FGF13: variants seen among roughly 807,000 people sequenced by gnomAD.
FGF13 encodes the protein fibroblast growth factor 13.
A neutral mutation model predicts 19.5 loss-of-function variants in FGF13; 2 were observed. That is an observed-to-expected ratio of 0.10 (90% CI 0.04 to 0.32). The LOEUF is 0.32. FGF13 is among the 10% of genes least tolerant of loss of function. The pLI, the probability that FGF13 is intolerant of heterozygous loss-of-function variation, is 1.00. For synonymous variants in FGF13, 72 were observed against 76.9 expected (o/e 0.94, Z 0.33); for missense variants, 113 against 192.7 (o/e 0.59, Z 2.45).
chrX:139,011,640 C>T (rs1043232910), intron 1 of FGF13, among the ~76,000 whole-genome samples: 9 of 111,505 alleles, frequency 8.1e-5, no homozygotes, highest in Non-Finnish European at 1.1e-4. Flanking sequence ...ACCCAGCATC[C>T]GTTTATGATT....
At chrX:139,155,262 T>TCTTCTTAATGAAAAGCAATTG (rs2083968584) in intron 1 of FGF13, among the ~76,000 whole-genome samples, 1 of 112,404 alleles carries the variant, frequency 8.9e-6, no homozygotes, top group Non-Finnish European at 1.9e-5. Flanking sequence ...TCTTGAAGCC[T>TCTTCTTAATGAAAAGCAATTG]CTTCTTAATG....
intron 3 of FGF13, among the ~76,000 whole-genome samples, chrX:138,768,828 CT>C (rs751098475): frequency 1.4e-3 from 144 of 106,429 alleles, no homozygotes; most frequent in Middle Eastern, 4.9e-3. Flanking sequence ...AACCAGCCTA[CT>C]TCGTTTTATT....
intron 1 of FGF13, among the ~76,000 whole-genome samples, chrX:139,075,403 T>G (rs948591828): frequency 8.9e-6 from 1 of 111,999 alleles, no homozygotes; most frequent in Non-Finnish European, 1.9e-5. Context: ...GCTTTCCTCA[T>G]ACACAGAAGA....
At chrX:138,966,684 G>A (rs2091896317) in intron 1 of FGF13, among the ~76,000 whole-genome samples, 1 of 111,536 alleles carries the variant, frequency 9.0e-6, no homozygotes, top group Non-Finnish European at 1.9e-5. Flanking sequence ...AATGGATTAC[G>A]ACTCTGGGGG....
At chrX:139,104,771 C>T in intron 1 of FGF13, among the ~76,000 whole-genome samples, 1 of 110,838 alleles carries the variant, frequency 9.0e-6, no homozygotes, top group Non-Finnish European at 1.9e-5. Flanking sequence ...GCTCTCTGCT[C>T]TATTCCTATA....
At chrX:138,637,147 T>G (rs2089193715) in intron 3 of FGF13, among the ~76,000 whole-genome samples, 1 of 111,863 alleles carries the variant, frequency 8.9e-6, no homozygotes, top group African/African-American at 3.2e-5. Context: ...TCACACAAAT[T>G]CAACCTACTC....
At chrX:138,842,652 T>A in intron 3 of FGF13, among the ~76,000 whole-genome samples, 1 of 111,080 alleles carries the variant, frequency 9.0e-6, no homozygotes, top group Admixed American at 9.7e-5. Flanking sequence ...ACAAGGTGAT[T>A]TTGCTCCTTA....
intron 1 of FGF13, among the ~76,000 whole-genome samples, chrX:138,999,702 C>A (rs905713555): frequency 1.8e-5 from 2 of 111,599 alleles, no homozygotes; most frequent in Non-Finnish European, 3.8e-5. Flanking sequence ...TAATAGCCTA[C>A]CAACCAAAAA....
intron 3 of FGF13, among the ~76,000 whole-genome samples, chrX:138,851,000 T>C (rs775174176): frequency 2.9e-4 from 33 of 112,110 alleles, no homozygotes; most frequent in Admixed American, 1.0e-3. Flanking sequence ...TTTGGTTTTC[T>C]GTTCCTGTGT....
At chrX:138,969,721 G>C (rs2091908008) in intron 1 of FGF13, among the ~76,000 whole-genome samples, 2 of 111,326 alleles carry the variant, frequency 1.8e-5, no homozygotes, top group Admixed American at 9.6e-5. Context: ...GCTTGTCATT[G>C]CCTCCCGTGT....
At chrX:138,674,019 G>C (rs1307832477) in intron 3 of FGF13, among the ~76,000 whole-genome samples, 1 of 110,350 alleles carries the variant, frequency 9.1e-6, no homozygotes, top group Non-Finnish European at 1.9e-5. Flanking sequence ...GATTTCAGGA[G>C]AAATAAAGTT....
chrX:138,913,532 G>C (rs1003005224), intron 1 of FGF13, among the ~76,000 whole-genome samples: 1 of 107,821 alleles, frequency 9.3e-6, no homozygotes, highest in East Asian at 2.9e-4. Flanking sequence ...TGGTGAATTA[G>C]ATTACTCAGA....
chrX:138,638,027 C>T (rs1028607229), intron 3 of FGF13, among the ~76,000 whole-genome samples: 1 of 111,127 alleles, frequency 9.0e-6, no homozygotes, highest in Admixed American at 9.6e-5. Flanking sequence ...CCCTCTAGTC[C>T]GTGATCCATG....
intron 1 of FGF13, among the ~76,000 whole-genome samples, chrX:138,732,396 G>C (rs2090238954): frequency 8.9e-6 from 1 of 112,112 alleles, no homozygotes; most frequent in African/African-American, 3.2e-5. Context: ...ATGGATACTA[G>C]TCAGCCATAA....
chrX:139,002,959 C>T (rs2092080458), intron 1 of FGF13, among the ~76,000 whole-genome samples: 1 of 112,117 alleles, frequency 8.9e-6, no homozygotes, highest in African/African-American at 3.2e-5. Context: ...CCCAGCTGTG[C>T]TGGCTATGAG....
upstream of FGF13, chrX:139,204,249 A>ACCGCTGCCGCCGCCG (rs1231282218): frequency 1.8e-6 from 1 of 543,412 alleles, no homozygotes; most frequent in Non-Finnish European, 3.0e-6. Context: ...GCTTTTCCCC[A>ACCGCTGCCGCCGCCG]CCGCTGCCGC....
Position 138,710,797 on chromosome X carries a change from A to G in FGF13, c.187+20T>C. The G allele has an allele frequency of 1.7e-6, 2 of 1,209,513 alleles. No homozygotes were observed. The highest frequency in any genetic ancestry group is 2.2e-6 in the Non-Finnish European group (2 of 894,018). ...TCACTCGTAAAGTATGGGGAAAAGA[A>G]AGCAAAAGCCCTTTCCGACCTGGTC... is the stretch of plus-strand genomic sequence containing the variant. On this transcript the variant is annotated intron_variant, in intron 1 of 4. Transcript: ENST00000315930.
At chrX:138,749,863 G>A (rs1174625076) in intron 3 of FGF13, among the ~76,000 whole-genome samples, 3 of 111,890 alleles carry the variant, frequency 2.7e-5, no homozygotes, top group Non-Finnish European at 3.8e-5. Flanking sequence ...ATGCCATGGG[G>A]AACCATGCTA....
At chrX:138,953,508 C>T (rs1315531360) in intron 1 of FGF13, among the ~76,000 whole-genome samples, 1 of 110,972 alleles carries the variant, frequency 9.0e-6, no homozygotes, top group Non-Finnish European at 1.9e-5. Flanking sequence ...CAGCATACCA[C>T]TGGCACATGT....
Sources: allele counts gnomAD v4.1 joint callset (sites outside exome capture counted in the v4.1 genomes callset), GRCh38; gene constraint gnomAD v4.1.1; transcripts MANE v1.5; gene names NCBI Gene and HGNC (gene_info 2026-07-23, HGNC 2026-07-21).